The following PARD3B variants were observed in gnomAD, a reference collection of about 807,000 sequenced individuals.
PARD3B encodes partitioning defective 3 homolog B.
Under a neutral mutation model 130.2 loss-of-function variants are expected in PARD3B, and 103 were observed. The ratio of observed to expected loss-of-function variants is 0.79; its 90% CI spans 0.67 to 0.93. PARD3B has a LOEUF of 0.93. Among genes scored for constraint, PARD3B ranks in the 40% least tolerant of loss-of-function variants. The pLI, the probability that PARD3B is intolerant of heterozygous loss-of-function variation, is 0.00. For missense variants in PARD3B, 1,609 were observed against 1,499.2 expected (o/e 1.07, Z -1.21); for synonymous variants, 583 against 553.2 (o/e 1.05, Z -0.76).
chr2:205,402,581 A>G (rs921508998), intron 19 of PARD3B, among the ~76,000 whole-genome samples: 3 of 152,202 alleles, frequency 2.0e-5, no homozygotes, highest in Non-Finnish European at 4.4e-5. Context: ...GAAAATTGAT[A>G]ACCCATAAAA....
intron 2 of PARD3B, among the ~76,000 whole-genome samples, chr2:204,765,626 C>T (rs1248437231): frequency 1.3e-5 from 2 of 152,096 alleles, no homozygotes; most frequent in Non-Finnish European, 2.9e-5. Flanking sequence ...TTTCATTCTT[C>T]TCTCCTATTG....
intron 1 of PARD3B, among the ~76,000 whole-genome samples, chr2:204,659,466 A>G (rs1320224379): frequency 1.3e-5 from 2 of 152,146 alleles, no homozygotes; most frequent in African/African-American, 4.8e-5. Context: ...AATGAAGGCA[A>G]GAAGGAATGG....
At chr2:205,000,976 G>T (rs1232812700) in intron 3 of PARD3B, among the ~76,000 whole-genome samples, 1 of 151,914 alleles carries the variant, frequency 6.6e-6, no homozygotes, top group Non-Finnish European at 1.5e-5. Context: ...CTTTTACGAG[G>T]TGTTTTTTGT....
chr2:204,813,884 A>G (rs954635989), intron 2 of PARD3B, among the ~76,000 whole-genome samples: 14 of 152,022 alleles, frequency 9.2e-5, no homozygotes, highest in Non-Finnish European at 1.6e-4. Flanking sequence ...TAATATTGTA[A>G]GTTTTGAAAT....
chr2:204,916,572 GATAA>G (rs1174025824), intron 2 of PARD3B, among the ~76,000 whole-genome samples: 2 of 152,054 alleles, frequency 1.3e-5, no homozygotes, highest in African/African-American at 4.8e-5. Context: ...CATTTTAAGT[GATAA>G]ATAATCCAGA....
chr2:205,278,620 G>T (rs1425057076), intron 16 of PARD3B, among the ~76,000 whole-genome samples: 2 of 152,150 alleles, frequency 1.3e-5, no homozygotes, highest in African/African-American at 4.8e-5. Flanking sequence ...CTGAGCACTC[G>T]AGAGACTTGT....
chr2:204,773,895 G>T (rs1400982905), intron 2 of PARD3B, among the ~76,000 whole-genome samples: 2 of 151,924 alleles, frequency 1.3e-5, no homozygotes, highest in Non-Finnish European at 2.9e-5. Context: ...AATGATTTTC[G>T]ATCTCACTTA....
In PARD3B at chr2:205,446,118, G is replaced by T. The variant is rs1042986414; in HGVS notation, c.3044+5446G>T. Among the ~76,000 whole-genome samples, 1 of 152,160 alleles carries T rather than the reference G, an allele frequency of 6.6e-6. No homozygotes were observed. The highest frequency in any genetic ancestry group is 1.5e-5 in the Non-Finnish European group (1 of 68,032). On this transcript the variant is annotated intron_variant, in intron 20 of 22. Transcript: ENST00000406610. This position sits in a 1 kb window ranked among gnomAD's most constrained non-coding sequence, Gnocchi z 4.4. ...AAACAGAGGGGAGAGGAAGCATGAT[G>T]TGTTAGGGGGACTGAAAGACTCTCA...
intron 18 of PARD3B, among the ~76,000 whole-genome samples, chr2:205,362,042 A>T (rs1173942241): frequency 6.6e-6 from 1 of 152,092 alleles, no homozygotes; most frequent in African/African-American, 2.4e-5. Context: ...TTCTGAACCT[A>T]TTCAAACCCA....
chr2:204,811,389 G>C (rs927787897), intron 2 of PARD3B, among the ~76,000 whole-genome samples: 1 of 152,132 alleles, frequency 6.6e-6, no homozygotes, highest in African/African-American at 2.4e-5. Context: ...CTACTGGTTT[G>C]TGTATACTAC....
intron 3 of PARD3B, among the ~76,000 whole-genome samples, chr2:205,037,891 G>A (rs1400439251): frequency 6.6e-6 from 1 of 151,996 alleles, no homozygotes; most frequent in African/African-American, 2.4e-5. Flanking sequence ...TGTTACTAAG[G>A]CTCCTCTTGG....
chr2:205,474,985 T>C (rs1370452509), intron 20 of PARD3B, among the ~76,000 whole-genome samples: 5 of 152,150 alleles, frequency 3.3e-5, no homozygotes, highest in Non-Finnish European at 7.4e-5. Context: ...CCAGGAGGAA[T>C]AGTTTTTTGA....
chr2:204,798,255 G>A (rs925132874), intron 2 of PARD3B, among the ~76,000 whole-genome samples: 1 of 152,130 alleles, frequency 6.6e-6, no homozygotes, highest in African/African-American at 2.4e-5. Flanking sequence ...AGAGAACGCG[G>A]TTCCTTTGGG....
At chr2:204,899,234 T>TTCCC (rs1318127056) in intron 2 of PARD3B, among the ~76,000 whole-genome samples, 4,412 of 98,680 alleles carry the variant, frequency 0.045, 145 homozygotes, top group Middle Eastern at 0.088. Flanking sequence ...CCTCCTCTCC[T>TTCCC]TCCCTCCCTC....
intron 21 of PARD3B, among the ~76,000 whole-genome samples, chr2:205,545,604 C>T (rs765958472): frequency 6.6e-6 from 1 of 152,038 alleles, no homozygotes. Flanking sequence ...GTGAATAAGC[C>T]GTATTGCAAC....
At chr2:205,299,371 G>A (rs992241742) in intron 16 of PARD3B, among the ~76,000 whole-genome samples, 1 of 152,020 alleles carries the variant, frequency 6.6e-6, no homozygotes, top group Non-Finnish European at 1.5e-5. Flanking sequence ...TTCTTAATAG[G>A]TACTCTTGTC....
intron 2 of PARD3B, among the ~76,000 whole-genome samples, chr2:204,710,698 C>G (rs935244047): frequency 6.6e-6 from 1 of 152,158 alleles, no homozygotes; most frequent in African/African-American, 2.4e-5. Flanking sequence ...AAGAGTGATT[C>G]CATTAGAAGA....
chr2:204,922,285 A>G (rs1328590723), intron 2 of PARD3B, among the ~76,000 whole-genome samples: 1 of 152,092 alleles, frequency 6.6e-6, no homozygotes, highest in Non-Finnish European at 1.5e-5. Context: ...CCTTGGAAGT[A>G]AGGCTAAAAT....
chr2:204,985,524 G>A (rs1474083238), intron 3 of PARD3B, among the ~76,000 whole-genome samples: 2 of 152,180 alleles, frequency 1.3e-5, no homozygotes, highest in Non-Finnish European at 2.9e-5. Flanking sequence ...TAATGTTTAT[G>A]TTCTTGCCAT....
Sources: gnomAD v4.1 joint callset for allele counts (sites outside exome capture counted in the v4.1 genomes callset) on GRCh38, gnomAD v4.1.1 for gene constraint, Gnocchi (gnomAD v3.1) non-coding constraint, MANE v1.5 for transcripts, NCBI Gene and HGNC (gene_info 2026-07-23, HGNC 2026-07-21) for gene names.